TCN2: variants seen among roughly 807,000 people sequenced by gnomAD.
TCN2 encodes the protein transcobalamin 2, also known as transcobalamin-2.
A neutral mutation model predicts 48.6 loss-of-function variants in TCN2; 34 were observed. The ratio of observed to expected loss-of-function variants is 0.70; its 90% confidence interval spans 0.53 to 0.93. The LOEUF (loss-of-function observed/expected upper bound fraction) is 0.93, where lower values mean the gene tolerates loss of function less well. Among genes scored for constraint, TCN2 ranks in the 40% least tolerant of loss-of-function variants. The pLI is 0.00. For synonymous variants in TCN2, 283 were observed against 212.5 expected, an observed-to-expected ratio of 1.33 and a Z score of -2.89; for missense variants, 652 against 526.1, an observed-to-expected ratio of 1.24 and a Z score of -2.34.
At chr22:30,618,868 C>G (rs1170687896) in intron 7 of TCN2, among the ~76,000 whole-genome samples, 12 of 152,230 alleles carry the variant, frequency 7.9e-5, no homozygotes, top group Non-Finnish European at 1.3e-4. Flanking sequence ...CTCCCAGGTT[C>G]AAGCGATTCT....
intron 2 of TCN2, among the ~76,000 whole-genome samples, chr22:30,612,256 A>G (rs1287054712): frequency 6.6e-6 from 1 of 151,844 alleles, no homozygotes; most frequent in East Asian, 1.9e-4. Flanking sequence ...AAAAAAAAAA[A>G]ATAAAAATAT....
Position 30,613,027 on chromosome 22 carries a change from G to A in TCN2, c.412G>A (p.Glu138Lys), listed in dbSNP as rs1193277477. 2 of 1,613,940 alleles carry A rather than the reference G, an allele frequency of 1.2e-6. No individual in the cohort carries two copies. The highest frequency in any genetic ancestry group is 1.3e-5 in the African/African-American group (1 of 74,912). Residue 138 changes from glutamate (E) to lysine (K), a missense_variant, in exon 3 of 9, where the codon GAG becomes AAG. By Grantham distance (56) the Glu-to-Lys change is moderately conservative. Coordinates refer to ENST00000215838, the MANE Select transcript of TCN2 (RefSeq NM_000355.4). Reference protein sequence around the residue: ...VSQLKWFLEDEKRAIGHDHKG... With the variant: ...VSQLKWFLEDKKRAIGHDHKG... ...ACAGCTCAAATGGTTCCTGGAGGAT[G>A]AGAAGAGAGCCATTGGTGAGCAGAC...
intron 2 of TCN2, among the ~76,000 whole-genome samples, chr22:30,612,298 C>T (rs2412993): frequency 0.077 from 11,754 of 151,734 alleles, 632 homozygotes; most frequent in Admixed American, 0.14. Flanking sequence ...CCTGTAATCC[C>T]AGCACTTTGG....
At chr22:30,621,850 C>T (rs2087704870) in intron 7 of TCN2, among the ~76,000 whole-genome samples, 1 of 152,162 alleles carries the variant, frequency 6.6e-6, no homozygotes, top group African/African-American at 2.4e-5. Flanking sequence ...CTTCTCTCTG[C>T]CTCCTCTCAG....
intron 8 of TCN2, chr22:30,623,439 G>A (rs959870778): frequency 4.3e-5 from 9 of 211,684 alleles, no homozygotes; most frequent in African/African-American, 1.9e-4. Flanking sequence ...TGCAACCTCC[G>A]CCTCCTGGGT....
intron 7 of TCN2, among the ~76,000 whole-genome samples, chr22:30,622,175 TG>T (rs2087709149): frequency 2.0e-5 from 3 of 152,256 alleles, no homozygotes; most frequent in Admixed American, 1.3e-4. Context: ...TTAGTAGAGA[TG>T]GGGTTTCTTC....
Position 30,623,937 on chromosome 22 carries a change from TAC to T in TCN2, c.1222+864_1222+865del, listed in dbSNP as rs71740449. On this transcript the variant is annotated intron_variant, in intron 8 of 8. Coordinates refer to ENST00000215838, the MANE Select transcript of TCN2 (RefSeq NM_000355.4). ...ACACACATATATATGTATACATATA[TAC>T]ACACACACATATGTATACATATATA... 2.3e-3 allele frequency among the ~76,000 whole-genome samples: 146 copies of T among 64,154 alleles called. 41 individuals are homozygous for T. Among genetic ancestry groups the T allele is most frequent in the South Asian group, 0.02 (60 of 2,968 alleles). The allele number at this position is 64,154 out of a possible 152,430, so 42.1% of individuals were successfully genotyped here.
intron 8 of TCN2, among the ~76,000 whole-genome samples, chr22:30,623,865 C>CAT (rs527940044): frequency 2.0e-5 from 1 of 49,610 alleles, no homozygotes; most frequent in East Asian, 3.4e-4. Context: ...TACATACACA[C>CAT]ATATATACAC....
chr22:30,624,719 C>T (rs991652931), intron 8 of TCN2, among the ~76,000 whole-genome samples: 1 of 152,112 alleles, frequency 6.6e-6, no homozygotes, highest in Non-Finnish European at 1.5e-5. Context: ...GCCCTTGAGT[C>T]TAGAAGGAAG....
chr22:30,626,643 G>T lies in TCN2; in HGVS notation c.*122G>T. 3 of 1,117,762 alleles carry T rather than the reference G, an allele frequency of 2.7e-6. No individual in the cohort carries two copies. Among genetic ancestry groups the T allele is most frequent in the Non-Finnish European group, 4.0e-6 (3 of 751,322 alleles). 69.2% of individuals were successfully genotyped at this position (1,117,762 alleles called of 1,614,324 possible). A position where few individuals can be genotyped will look rare whatever the true frequency, so the allele number is the denominator to read the frequency against. ...CCACCTCCTGTGCACTTTGAGCAAT[G>T]CCCCCTGGGATCACCCCAGCCACAA... is the stretch of plus-strand genomic sequence containing the variant. On this transcript the variant is annotated 3_prime_UTR_variant, in exon 9 of 9. Coordinates refer to ENST00000215838, the MANE Select transcript of TCN2 (RefSeq NM_000355.4).
rs1396153308 is a variant in TCN2, at chr22:30,615,773, G to A, written c.926G>A (p.Cys309Tyr). 7 of 1,614,186 alleles carry A rather than the reference G, an allele frequency of 4.3e-6. No individual in the cohort carries two copies. Among genetic ancestry groups the A allele is most frequent in the Middle Eastern group, 1.6e-4 (1 of 6,062 alleles). ...KTYIDLIFPDCLAPRVMLEPA... is the reference protein window; with the variant it reads ...KTYIDLIFPDYLAPRVMLEPA... ...TACATTGATCTGATCTTCCCAGACTGTCTGGCACCACGAGGTAGCCCAACT... is the reference window on the plus strand; with the variant it reads ...TACATTGATCTGATCTTCCCAGACTATCTGGCACCACGAGGTAGCCCAACT... The change falls in exon 6 of 9, where the codon TGT (cysteine) becomes TAT (tyrosine). Residue 309 changes from cysteine to tyrosine, a missense_variant. Physicochemically the swap from Cys to Tyr is radical, Grantham distance 194. Coordinates refer to ENST00000215838, the MANE Select transcript of TCN2 (RefSeq NM_000355.4).
chr22:30,615,331 C>G lies in TCN2; in HGVS notation c.611C>G (p.Thr204Ser), dbSNP rs2087596065. 1 of 1,614,214 alleles carries G rather than the reference C, an allele frequency of 6.2e-7. No individual in the cohort carries two copies. The highest frequency in any genetic ancestry group is 8.5e-7 in the Non-Finnish European group (1 of 1,180,032). Residue 204 changes from threonine to serine, a missense_variant, in exon 5 of 9, where the codon ACC becomes AGC. Transcript: ENST00000215838. ...GCAGCCATGGCAGGCTTGGCATTCA[C>G]CTGTCTGAAGCGCTCAAACTTCAAC... The part of the protein sequence containing the change: ...DTAAMAGLAF[T>S]CLKRSNFNPG...
chr22:30,623,715 G>C (rs1201144414), intron 8 of TCN2, among the ~76,000 whole-genome samples: 9 of 103,030 alleles, frequency 8.7e-5, no homozygotes, highest in South Asian at 2.8e-4. Flanking sequence ...TATATATACA[G>C]ACACACATAT....
At chr22:30,610,644 C>A (rs540066469) in intron 1 of TCN2, among the ~76,000 whole-genome samples, 1 of 152,368 alleles carries the variant, frequency 6.6e-6, no homozygotes, top group African/African-American at 2.4e-5. Flanking sequence ...AGCCCACCAC[C>A]TCTCTTGCTG....
At chr22:30,608,628 G>A (rs1174770927) in intron 1 of TCN2, among the ~76,000 whole-genome samples, 1 of 151,864 alleles carries the variant, frequency 6.6e-6, no homozygotes, top group African/African-American at 2.4e-5. Context: ...GGGCTCAAGT[G>A]AAACTCTTGC....
At position 30,626,858 on chromosome 22, in the gene TCN2, T is replaced by C; in HGVS notation, c.*337T>C. On this transcript the variant is annotated 3_prime_UTR_variant, in exon 9 of 9. Transcript: ENST00000215838. ...AACGGAGTCCGCAGGCCGCAGGTGTTGTGAAGACCACTCGTTCTGTGGTTG... is the reference window on the plus strand; with the variant it reads ...AACGGAGTCCGCAGGCCGCAGGTGTCGTGAAGACCACTCGTTCTGTGGTTG... The C allele has an allele frequency of 2.3e-6, 1 of 429,216 alleles. No homozygotes were observed. Among genetic ancestry groups the C allele is most frequent in the Non-Finnish European group, 4.4e-6 (1 of 228,694 alleles). The allele number at this position is 429,216 out of a possible 1,614,324, so 26.6% of individuals were successfully genotyped here. A position where few individuals can be genotyped will look rare whatever the true frequency, so the allele number is the denominator to read the frequency against.
chr22:30,609,419 C>T (rs1488712847), intron 1 of TCN2, among the ~76,000 whole-genome samples: 2 of 152,160 alleles, frequency 1.3e-5, no homozygotes, highest in African/African-American at 4.8e-5. Context: ...TGGCCCCTTC[C>T]TTCTAAGGAG....
intron 3 of TCN2, 74 bp downstream of exon 3, chr22:30,613,116 C>T (rs999452294): frequency 1.3e-6 from 2 of 1,568,954 alleles, no homozygotes; most frequent in East Asian, 4.7e-5. Flanking sequence ...CAATGAGAAT[C>T]AGAACTTTGG....
At chr22:30,624,790 C>G (rs995159950) in intron 8 of TCN2, among the ~76,000 whole-genome samples, 1 of 152,198 alleles carries the variant, frequency 6.6e-6, no homozygotes, top group South Asian at 2.1e-4. Flanking sequence ...CTTCCCAAAT[C>G]AACCAGTTGC....
Sources: gnomAD v4.1 joint callset for allele counts (sites outside exome capture counted in the v4.1 genomes callset) on GRCh38, gnomAD v4.1.1 for gene constraint, MANE v1.5 for transcripts, NCBI Gene and HGNC (gene_info 2026-07-23, HGNC 2026-07-21) for gene names.